Variants in SMIM32 observed in about 807,000 individuals in gnomAD.
The protein encoded by SMIM32 is small integral membrane protein 32.
In SMIM32, 1 loss-of-function variant was observed where a neutral mutation model predicts 1.6. That is an observed-to-expected ratio of 0.64 (90% confidence interval 0.23 to 3.02). The LOEUF is 3.02. SMIM32 is among the 30% of genes most tolerant of loss of function. The pLI, the probability that SMIM32 is intolerant of heterozygous loss-of-function variation, is 0.21. For synonymous variants in SMIM32, 53 were observed against 31.3 expected (o/e 1.69, Z -2.31); for missense variants, 99 against 60.5 (o/e 1.64, Z -2.11).
In SMIM32 at chr5:136,192,020, A is replaced by G. The variant is rs957834742; in HGVS notation, c.*193T>C. 1 of 562,402 alleles carries G rather than the reference A, an allele frequency of 1.8e-6. No homozygotes were observed. 34.8% of individuals were successfully genotyped at this position (562,402 alleles called of 1,614,324 possible). A position where few individuals can be genotyped will look rare whatever the true frequency, so the allele number is the denominator to read the frequency against. On this transcript the variant is annotated 3_prime_UTR_variant, in exon 1 of 1. Transcript: ENST00000607574. Reference sequence around the variant, plus strand: ...CTACAGGTACTGGGATCGAGACCCTACACAGGCTCCCGACGCCTCGGTCTC... The same window carrying G: ...CTACAGGTACTGGGATCGAGACCCTGCACAGGCTCCCGACGCCTCGGTCTC...
At position 136,192,611 on chromosome 5, in the gene SMIM32, C is replaced by G. The variant is rs1754845548; in HGVS notation, c.-87G>C. ...GACCCGGCGCCTCCATGGCGCGCCC[C>G]TCCCGCCCTGCCGCGCCCAACTGAC... On this transcript the variant is annotated 5_prime_UTR_variant, in exon 1 of 1. Coordinates refer to ENST00000607574, the MANE Select transcript of SMIM32 (RefSeq NM_001350994.2). The G allele has an allele frequency of 2.1e-5, 12 of 584,864 alleles. No homozygotes were observed. The highest frequency in any genetic ancestry group is 3.6e-5 in the Non-Finnish European group (12 of 331,480). 36.2% of individuals were successfully genotyped at this position (584,864 alleles called of 1,614,324 possible). A position where few individuals can be genotyped will look rare whatever the true frequency, so the allele number is the denominator to read the frequency against.
rs935801781 is a variant in SMIM32 at position 136,191,945 on chromosome 5, C to T, written c.*268G>A. 1.0e-5 allele frequency: 4 copies of T among 393,582 alleles called. No individual in the cohort carries two copies. The highest frequency in any genetic ancestry group is 4.2e-5 in the African/African-American group (2 of 48,034). 24.4% of individuals were successfully genotyped at this position (393,582 alleles called of 1,614,324 possible). A position where few individuals can be genotyped will look rare whatever the true frequency, so the allele number is the denominator to read the frequency against. On this transcript the variant is annotated 3_prime_UTR_variant, in exon 1 of 1. Transcript: ENST00000607574. ...TTTCGGGAAGGTTTCCCGACTGGAC[C>T]CTCTGTCCAGAGGAAGAAAGATTTG...
rs1395711366 is a variant in SMIM32, at chr5:136,192,190, G to A, written c.*23C>T. 2 of 651,692 alleles carry A rather than the reference G, an allele frequency of 3.1e-6. No individual in the cohort carries two copies. The highest frequency in any genetic ancestry group is 4.8e-5 in the Admixed American group (2 of 41,758). The allele number at this position is 651,692 out of a possible 1,614,324, so 40.4% of individuals were successfully genotyped here. On this transcript the variant is annotated 3_prime_UTR_variant, in exon 1 of 1. Coordinates refer to ENST00000607574, the MANE Select transcript of SMIM32 (RefSeq NM_001350994.2). ...TTGGCTAGGTCGGGACGGGGCGCCCGGCGGCCGTGGCTCAGTCCCAAGCTA... is the reference window on the plus strand; with the variant it reads ...TTGGCTAGGTCGGGACGGGGCGCCCAGCGGCCGTGGCTCAGTCCCAAGCTA...
In SMIM32 at chr5:136,192,600, A is replaced by C; in HGVS notation, c.-76T>G. 1 of 583,586 alleles carries C rather than the reference A, an allele frequency of 1.7e-6. No homozygotes were observed. Among genetic ancestry groups the C allele is most frequent in the South Asian group, 2.1e-5 (1 of 48,706 alleles). The allele number at this position is 583,586 out of a possible 1,614,324, so 36.2% of individuals were successfully genotyped here. A position where few individuals can be genotyped will look rare whatever the true frequency, so the allele number is the denominator to read the frequency against. ...CATACTGGCGCGACCCGGCGCCTCC[A>C]TGGCGCGCCCCTCCCGCCCTGCCGC... is the stretch of plus-strand genomic sequence containing the variant. On this transcript the variant is annotated 5_prime_UTR_variant, in exon 1 of 1. The change abolishes an upstream ATG in the 5' untranslated region. Coordinates refer to ENST00000607574, the MANE Select transcript of SMIM32 (RefSeq NM_001350994.2).
Position 136,192,318 on chromosome 5 carries a change from G to A in SMIM32, c.207C>T (p.Val69=), listed in dbSNP as rs986221940. ...GCAGCTGGCAACCGATGAAGAGGAC[G>A]ACGAGCGCCACCGAGAGCAGCAGCA... ...FFLLLLSVAL[V]VLFIGCQLRH... The change falls in exon 1 of 1, where the codon GTC becomes GTT. Residue 69 remains valine (V), a synonymous_variant. Transcript: ENST00000607574. 1 of 693,510 alleles carries A rather than the reference G, an allele frequency of 1.4e-6. No homozygotes were observed. Among genetic ancestry groups the A allele is most frequent in the South Asian group, 1.5e-5 (1 of 67,124 alleles). The allele number at this position is 693,510 out of a possible 1,614,324, so 43.0% of individuals were successfully genotyped here.
chr5:136,192,654 G>A lies in SMIM32; in HGVS notation c.-130C>T. 1 of 575,784 alleles carries A rather than the reference G, an allele frequency of 1.7e-6. No individual in the cohort carries two copies. Among genetic ancestry groups the A allele is most frequent in the Non-Finnish European group, 3.1e-6 (1 of 326,534 alleles). The allele number at this position is 575,784 out of a possible 1,614,324, so 35.7% of individuals were successfully genotyped here. A position where few individuals can be genotyped will look rare whatever the true frequency, so the allele number is the denominator to read the frequency against. On this transcript the variant is annotated 5_prime_UTR_variant, in exon 1 of 1. Transcript: ENST00000607574. ...CAACTGACCGAGAGTCGGTGCCTTG[G>A]GGCCGGCGGGGACTGCAAAGACCCC...
chr5:136,192,392 C>G lies in SMIM32; in HGVS notation c.133G>C (p.Gly45Arg), dbSNP rs765321203. 2 of 702,362 alleles carry G rather than the reference C, an allele frequency of 2.8e-6. No individual in the cohort carries two copies. The highest frequency in any genetic ancestry group is 1.5e-5 in the South Asian group (1 of 67,582). The allele number at this position is 702,362 out of a possible 1,614,324, so 43.5% of individuals were successfully genotyped here. A position where few individuals can be genotyped will look rare whatever the true frequency, so the allele number is the denominator to read the frequency against. Reference protein sequence around the residue: ...ELATARGMRDGAATKPDLPTY... With the variant: ...ELATARGMRDRAATKPDLPTY... ...GGCAGGTCGGGCTTTGTGGCCGCGC[C>G]GTCCCTCATACCGCGCGCAGTGGCC... The change falls in exon 1 of 1, where the codon GGC (glycine) becomes CGC (arginine). Residue 45 changes from glycine (G) to arginine (R), a missense_variant. Physicochemically the swap from Gly to Arg is moderately radical, Grantham distance 125 (BLOSUM62 -2). Transcript: ENST00000607574.
In SMIM32 at chr5:136,192,115, C is replaced by T; in HGVS notation, c.*98G>A. 1.7e-6 allele frequency: 1 copy of T among 604,316 alleles called. No homozygotes were observed. The highest frequency in any genetic ancestry group is 2.8e-5 in the East Asian group (1 of 35,872). 37.4% of individuals were successfully genotyped at this position (604,316 alleles called of 1,614,324 possible). ...GTCAGGGCACCGTGTTCCCAGGGGC[C>T]AGCGATCCCCGGTGTCGTGCCCTCC... is the stretch of plus-strand genomic sequence containing the variant. On this transcript the variant is annotated 3_prime_UTR_variant, in exon 1 of 1. Coordinates refer to ENST00000607574, the MANE Select transcript of SMIM32 (RefSeq NM_001350994.2).
At position 136,192,187 on chromosome 5, in the gene SMIM32, CCCGGCGGCCGTGGCT is replaced by C. The variant is rs1241570574; in HGVS notation, c.*11_*25del. On this transcript the variant is annotated 3_prime_UTR_variant, in exon 1 of 1. Transcript: ENST00000607574. The stretch of plus-strand genomic sequence containing the variant: ...CTCTTGGCTAGGTCGGGACGGGGCG[CCCGGCGGCCGTGGCT>C]CAGTCCCAAGCTACACCGGCCGCGT... The C allele has an allele frequency of 1.5e-6, 1 of 650,424 alleles. No homozygotes were observed. The allele number at this position is 650,424 out of a possible 1,614,324, so 40.3% of individuals were successfully genotyped here.
chr5:136,192,696 C>A lies in SMIM32; in HGVS notation c.-172G>T, dbSNP rs1754847563. The A allele has an allele frequency of 1.8e-6, 1 of 558,256 alleles. No individual in the cohort carries two copies. The highest frequency in any genetic ancestry group is 3.1e-6 in the Non-Finnish European group (1 of 318,760). The allele number at this position is 558,256 out of a possible 1,614,324, so 34.6% of individuals were successfully genotyped here. A position where few individuals can be genotyped will look rare whatever the true frequency, so the allele number is the denominator to read the frequency against. The stretch of plus-strand genomic sequence containing the variant: ...AAAGACCCCGGGACGCGTCCGCTCA[C>A]TCGCCTCCGCGCTCAGCTGCTTTCC... On this transcript the variant is annotated 5_prime_UTR_variant, in exon 1 of 1. Coordinates refer to ENST00000607574, the MANE Select transcript of SMIM32 (RefSeq NM_001350994.2).
In SMIM32 at chr5:136,191,884, CG is replaced by C; in HGVS notation, c.*328del. On this transcript the variant is annotated 3_prime_UTR_variant, in exon 1 of 1. Coordinates refer to ENST00000607574, the MANE Select transcript of SMIM32 (RefSeq NM_001350994.2). The stretch of plus-strand genomic sequence containing the variant: ...GAGCAAGCAAGACGGGCTGGCGCGC[CG>C]TCTTTCAGGAAGGTTTCCCGACCCG... 3.4e-6 allele frequency: 1 copy of C among 294,104 alleles called. No homozygotes were observed. The highest frequency in any genetic ancestry group is 6.2e-6 in the Non-Finnish European group (1 of 160,970). The allele number at this position is 294,104 out of a possible 1,614,324, so 18.2% of individuals were successfully genotyped here.
At position 136,192,629 on chromosome 5, in the gene SMIM32, C is replaced by T. The variant is rs1754846288; in HGVS notation, c.-105G>A. On this transcript the variant is annotated 5_prime_UTR_variant, in exon 1 of 1. Transcript: ENST00000607574. The stretch of plus-strand genomic sequence containing the variant: ...CGCGCCCCTCCCGCCCTGCCGCGCC[C>T]AACTGACCGAGAGTCGGTGCCTTGG... The T allele has an allele frequency of 1.2e-5, 7 of 581,508 alleles. No individual in the cohort carries two copies. The highest frequency in any genetic ancestry group is 9.3e-5 in the Admixed American group (3 of 32,284). 36.0% of individuals were successfully genotyped at this position (581,508 alleles called of 1,614,324 possible).
rs1357077508 is a variant in SMIM32 at position 136,191,710 on chromosome 5, T to G, written c.*503A>C. The G allele has an allele frequency of 6.5e-6, 1 of 152,906 alleles. No homozygotes were observed. Among genetic ancestry groups the G allele is most frequent in the Non-Finnish European group, 1.5e-5 (1 of 68,724 alleles). The allele number at this position is 152,906 out of a possible 1,614,324, so 9.5% of individuals were successfully genotyped here. A position where few individuals can be genotyped will look rare whatever the true frequency, so the allele number is the denominator to read the frequency against. ...TCACGACGCTCGGATCCTAGTGGGGTCCTCCTCGGTGTCAAGGAGCAAGAG... is the reference window on the plus strand; with the variant it reads ...TCACGACGCTCGGATCCTAGTGGGGGCCTCCTCGGTGTCAAGGAGCAAGAG... On this transcript the variant is annotated 3_prime_UTR_variant, in exon 1 of 1. Transcript: ENST00000607574.
In SMIM32 at chr5:136,191,493, T is replaced by C. The variant is rs1754816755; in HGVS notation, c.*720A>G. 1 of 152,108 alleles carries C rather than the reference T, an allele frequency of 6.6e-6. No homozygotes were observed. Among genetic ancestry groups the C allele is most frequent in the Non-Finnish European group, 1.5e-5 (1 of 68,020 alleles). The allele number at this position is 152,108 out of a possible 1,614,324, so 9.4% of individuals were successfully genotyped here. A position where few individuals can be genotyped will look rare whatever the true frequency, so the allele number is the denominator to read the frequency against. On this transcript the variant is annotated 3_prime_UTR_variant, in exon 1 of 1. Transcript: ENST00000607574. ...TAGGTCTAATTGGGTGAGTTTTTAT[T>C]GTAGAAATGCGCCCCTGAAGATGTG...
At position 136,191,761 on chromosome 5, in the gene SMIM32, C is replaced by T. The variant is rs552692139; in HGVS notation, c.*452G>A. On this transcript the variant is annotated 3_prime_UTR_variant, in exon 1 of 1. Transcript: ENST00000607574. ...AGGCCGTAGCAGCTGTGGGAAACAG[C>T]CACAGGGCCTGCGAGTCCAGACGGG... The T allele has an allele frequency of 4.3e-4, 68 of 158,718 alleles. No homozygotes were observed. In the East Asian group the frequency reaches 0.013, roughly 30 times the overall value. 9.8% of individuals were successfully genotyped at this position (158,718 alleles called of 1,614,324 possible).
chr5:136,192,548 A>G lies in SMIM32; in HGVS notation c.-24T>C. On this transcript the variant is annotated 5_prime_UTR_variant, in exon 1 of 1. Coordinates refer to ENST00000607574, the MANE Select transcript of SMIM32 (RefSeq NM_001350994.2). ...ATGGCCCGCGGGTCCCGCCGACCCC[A>G]GCCGGACCGCTTCACTTGGCCTGGA... is the stretch of plus-strand genomic sequence containing the variant. 2 of 655,964 alleles carry G rather than the reference A, an allele frequency of 3.0e-6. No homozygotes were observed. Among genetic ancestry groups the G allele is most frequent in the Non-Finnish European group, 5.5e-6 (2 of 362,288 alleles). The allele number at this position is 655,964 out of a possible 1,614,324, so 40.6% of individuals were successfully genotyped here. A position where few individuals can be genotyped will look rare whatever the true frequency, so the allele number is the denominator to read the frequency against.
chr5:136,192,162 C>T lies in SMIM32; in HGVS notation c.*51G>A. 3.2e-6 allele frequency: 2 copies of T among 632,394 alleles called. No homozygotes were observed. Among genetic ancestry groups the T allele is most frequent in the South Asian group, 1.8e-5 (1 of 55,608 alleles). 39.2% of individuals were successfully genotyped at this position (632,394 alleles called of 1,614,324 possible). On this transcript the variant is annotated 3_prime_UTR_variant, in exon 1 of 1. Transcript: ENST00000607574. ...CTCCCTACCAGGCTCAAGCTGGCTG[C>T]TCTTGGCTAGGTCGGGACGGGGCGC...
Position 136,192,406 on chromosome 5 carries a change from C to G in SMIM32, c.119G>C (p.Arg40Pro). The G allele has an allele frequency of 1.4e-6, 1 of 702,246 alleles. No homozygotes were observed. Among genetic ancestry groups the G allele is most frequent in the Non-Finnish European group, 2.6e-6 (1 of 384,638 alleles). The allele number at this position is 702,246 out of a possible 1,614,324, so 43.5% of individuals were successfully genotyped here. ...TGTGGCCGCGCCGTCCCTCATACCG[C>G]GCGCAGTGGCCAGCTCCAGCGGCAA... Reference protein sequence around the residue: ...GALPLELATARGMRDGAATKP... With the variant: ...GALPLELATAPGMRDGAATKP... Residue 40 changes from arginine (R) to proline (P), a missense_variant, in exon 1 of 1, where the codon CGC becomes CCC. By Grantham distance (103) the Arg-to-Pro change is moderately radical (BLOSUM62 -2). Transcript: ENST00000607574.
In SMIM32 at chr5:136,192,426, C is replaced by A. The variant is rs1580817180; in HGVS notation, c.99G>T (p.Pro33=). ...GATVKAEGAL[P]LELATARGMR... is the part of the protein sequence containing the mutation. ...TACCGCGCGCAGTGGCCAGCTCCAG[C>A]GGCAAAGCGCCTTCTGCCTTGACCG... Residue 33 remains proline, a synonymous_variant, in exon 1 of 1, where the codon CCG becomes CCT. Transcript: ENST00000607574. 1.4e-6 allele frequency: 1 copy of A among 702,078 alleles called. No individual in the cohort carries two copies. The highest frequency in any genetic ancestry group is 2.4e-4 in the Middle Eastern group (1 of 4,142). 43.5% of individuals were successfully genotyped at this position (702,078 alleles called of 1,614,324 possible).
Sources: allele counts gnomAD v4.1 joint callset, GRCh38; gene constraint gnomAD v4.1.1; transcripts MANE v1.5; gene names NCBI Gene and HGNC (gene_info 2026-07-23, HGNC 2026-07-21).